C11orf54: variants seen among roughly 807,000 people sequenced by gnomAD.
C11orf54 encodes beta-keto-L-gulonate decarboxylase.
In C11orf54, 29 loss-of-function variants were observed where a neutral mutation model predicts 35.5. That is an observed-to-expected ratio of 0.82 (90% CI 0.61 to 1.11). The LOEUF (loss-of-function observed/expected upper bound fraction) is 1.11, where lower values mean the gene tolerates loss of function less well. Among genes scored for constraint, C11orf54 ranks in the 50% most tolerant of loss-of-function variants. The pLI, the probability that C11orf54 is intolerant of heterozygous loss-of-function variation, is 0.00. For missense variants in C11orf54, 373 were observed against 369.2 expected (o/e 1.01, Z -0.08); for synonymous variants, 108 against 121.1 (o/e 0.89, Z 0.71).
chr11:93,743,173 G>A (rs1261413686), intron 1 of C11orf54, among the ~76,000 whole-genome samples: 1 of 151,856 alleles, frequency 6.6e-6, no homozygotes, highest in Non-Finnish European at 1.5e-5. Flanking sequence ...GCTAATTTTT[G>A]TACTTTTAGT....
intron 6 of C11orf54, among the ~76,000 whole-genome samples, chr11:93,755,789 G>T (rs1263161109): frequency 6.7e-6 from 1 of 149,360 alleles, no homozygotes. Context: ...AGCTTCCTAA[G>T]TCAAAGCTCT....
At chr11:93,742,376 C>T (rs995491513) in intron 1 of C11orf54, among the ~76,000 whole-genome samples, 4 of 151,862 alleles carry the variant, frequency 2.6e-5, no homozygotes, top group African/African-American at 9.7e-5. Flanking sequence ...ATCTGCTTCC[C>T]GGGTTCAAGC....
In C11orf54 at chr11:93,757,321, T is replaced by G; in HGVS notation, c.513T>G (p.Ile171Met). ...CATCTTTATGTCCTCTATAGGTAAT[T>G]GAGGTGAAAGCCAAAAGAAGAACTG... ...FASEGQPGKV[I>M]EVKAKRRTGP... Residue 171 changes from isoleucine (I) to methionine (M), a missense_variant, in exon 7 of 9, where the codon ATT (isoleucine) becomes ATG (methionine). By Grantham distance (10) the Ile-to-Met change is conservative. Coordinates refer to ENST00000354421, the MANE Select transcript of C11orf54 (RefSeq NM_001286069.2). The G allele has an allele frequency of 6.3e-7, 1 of 1,597,804 alleles. No individual in the cohort carries two copies. The highest frequency in any genetic ancestry group is 1.1e-5 in the South Asian group (1 of 91,036).
intron 1 of C11orf54, among the ~76,000 whole-genome samples, chr11:93,745,116 T>A (rs1172059779): frequency 6.6e-6 from 1 of 152,170 alleles, no homozygotes. Flanking sequence ...CACAGGGTGG[T>A]TTTCTCCTAT....
intron 2 of C11orf54, 80 bp from the exon 3 acceptor site, chr11:93,750,266 G>A: frequency 9.5e-7 from 1 of 1,051,876 alleles, no homozygotes; most frequent in East Asian, 2.4e-5. Flanking sequence ...GGAGTGTGTT[G>A]AGAGCCACAT....
intron 6 of C11orf54, among the ~76,000 whole-genome samples, chr11:93,756,000 C>G (rs2135646398): frequency 6.6e-6 from 1 of 151,796 alleles, no homozygotes; most frequent in South Asian, 2.1e-4. Flanking sequence ...AACCTCGTCT[C>G]TACTAAAAAT....
intron 7 of C11orf54, among the ~76,000 whole-genome samples, chr11:93,758,013 A>G (rs616876): frequency 0.55 from 84,329 of 152,108 alleles, 24,800 homozygotes; most frequent in Admixed American, 0.69. Flanking sequence ...TGTTTTTAAG[A>G]TCAAGATAAA....
chr11:93,759,046 T>C (rs1463873805), intron 7 of C11orf54, among the ~76,000 whole-genome samples: 2 of 152,204 alleles, frequency 1.3e-5, no homozygotes, highest in Non-Finnish European at 2.9e-5. Flanking sequence ...TAGGAATGCT[T>C]TTACACTGTT....
In C11orf54 at chr11:93,757,749, G is replaced by A. The variant is rs529424938; in HGVS notation, c.657+284G>A. Among the ~76,000 whole-genome samples, 87 of 152,202 alleles carry A rather than the reference G, an allele frequency of 5.7e-4. 1 individual carries two copies. Among genetic ancestry groups the A allele is most frequent in the African/African-American group, 9.2e-4 (38 of 41,516 alleles). ...TTGCCACATTGGCCAGACTGGTGTC[G>A]AACTCCTGACCTCAGCTGATCCACC... On this transcript the variant is annotated intron_variant, in intron 7 of 8. Transcript: ENST00000354421.
chr11:93,743,166 A>G (rs1465196633), intron 1 of C11orf54, among the ~76,000 whole-genome samples: 1 of 151,680 alleles, frequency 6.6e-6, no homozygotes, highest in African/African-American at 2.4e-5. Context: ...ACAACCGGCT[A>G]ATTTTTGTAC....
At chr11:93,759,061 G>T (rs543442607) in intron 7 of C11orf54, among the ~76,000 whole-genome samples, 7 of 152,326 alleles carry the variant, frequency 4.6e-5, no homozygotes, top group Admixed American at 3.9e-4. Flanking sequence ...ACTGTTGGTG[G>T]GAGTGTAAAT....
intron 1 of C11orf54, among the ~76,000 whole-genome samples, chr11:93,745,434 A>G (rs1241475612): frequency 6.6e-6 from 1 of 152,214 alleles, no homozygotes; most frequent in African/African-American, 2.4e-5. Context: ...ACAGTCTGCA[A>G]ACATATTGTT....
intron 2 of C11orf54, 141 bp from the exon 3 acceptor site, chr11:93,750,205 T>C: frequency 1.7e-6 from 1 of 599,810 alleles, no homozygotes. Context: ...CTAATTATAT[T>C]CATTAATAAG....
At chr11:93,759,380 C>T (rs992437486) in intron 7 of C11orf54, among the ~76,000 whole-genome samples, 1 of 152,074 alleles carries the variant, frequency 6.6e-6, no homozygotes, top group Non-Finnish European at 1.5e-5. Flanking sequence ...TCATTCTCAG[C>T]AAACTATCAC....
chr11:93,757,570 C>A (rs564554210), intron 7 of C11orf54, 105 bp downstream of exon 7: 1 of 1,257,702 alleles, frequency 8.0e-7, no homozygotes, highest in Non-Finnish European at 1.1e-6. Context: ...TGCTCTGTTG[C>A]CCATGCTGGA....
chr11:93,741,728 G>A lies in C11orf54; in HGVS notation c.-98G>A. On this transcript the variant is annotated splice_region_variant and 5_prime_UTR_variant, in exon 1 of 9. Transcript: ENST00000354421. ...GGTGTTTTGCTACCGTGACCGTTTA[G>A]GTGAGTGGAATAGCCAAGAACATTT... The A allele has an allele frequency of 5.7e-6, 2 of 348,754 alleles. No individual in the cohort carries two copies. The highest frequency in any genetic ancestry group is 2.1e-3 in the Middle Eastern group (2 of 964). The allele number at this position is 348,754 out of a possible 1,614,324, so 21.6% of individuals were successfully genotyped here.
chr11:93,745,335 T>C (rs1268350740), intron 1 of C11orf54, among the ~76,000 whole-genome samples: 2 of 152,196 alleles, frequency 1.3e-5, no homozygotes, highest in Admixed American at 1.3e-4. Flanking sequence ...ACCCACGCTT[T>C]CTTGGGCAGA....
chr11:93,748,292 G>A (rs767973528), intron 2 of C11orf54, among the ~76,000 whole-genome samples: 2 of 152,016 alleles, frequency 1.3e-5, no homozygotes, highest in South Asian at 4.2e-4. Flanking sequence ...AATATGACAG[G>A]GCAGTTAGGA....
intron 3 of C11orf54, 88 bp from the exon 4 acceptor site, chr11:93,753,594 G>T: frequency 1.8e-6 from 2 of 1,136,132 alleles, no homozygotes; most frequent in Non-Finnish European, 2.6e-6. Context: ...TAATGGAGAA[G>T]TTATATACTG....
Sources: allele counts gnomAD v4.1 joint callset (sites outside exome capture counted in the v4.1 genomes callset), GRCh38; gene constraint gnomAD v4.1.1; transcripts MANE v1.5; gene names NCBI Gene and HGNC (gene_info 2026-07-23, HGNC 2026-07-21).